Variants in NCKAP5 observed in about 807,000 individuals in gnomAD.
The protein encoded by NCKAP5 is nck-associated protein 5.
In NCKAP5, 92 loss-of-function variants were observed where a neutral mutation model predicts 167.0. The observed-to-expected ratio is 0.55, with a 90% CI of 0.47 to 0.66. NCKAP5 has a LOEUF of 0.66. Among genes scored for constraint, NCKAP5 ranks in the 30% least tolerant of loss-of-function variants. NCKAP5 has a pLI of 0.00. For synonymous variants in NCKAP5, 891 were observed against 877.4 expected (o/e 1.02, Z -0.27); for missense variants, 2,378 against 2,315.0 (o/e 1.03, Z -0.56).
chr2:133,113,478 T>C (rs777821814), intron 6 of NCKAP5, among the ~76,000 whole-genome samples: 15 of 152,212 alleles, frequency 9.9e-5, no homozygotes, highest in Non-Finnish European at 1.5e-4. Context: ...GTCTCTCTTA[T>C]ACCCAGGCAC....
intron 8 of NCKAP5, among the ~76,000 whole-genome samples, chr2:132,944,790 T>C (rs758820809): frequency 6.6e-6 from 1 of 152,098 alleles, no homozygotes; most frequent in Non-Finnish European, 1.5e-5. Context: ...TAAGAGAAAA[T>C]GACTCTAAGG....
At chr2:132,983,867 A>C (rs1002142480) in intron 7 of NCKAP5, among the ~76,000 whole-genome samples, 7 of 152,216 alleles carry the variant, frequency 4.6e-5, no homozygotes, top group African/African-American at 1.7e-4. Flanking sequence ...CTCCCAGGCC[A>C]CAGCAAATAA....
intron 4 of NCKAP5, among the ~76,000 whole-genome samples, chr2:133,229,842 C>A (rs2087062264): frequency 6.6e-6 from 1 of 152,112 alleles, no homozygotes; most frequent in African/African-American, 2.4e-5. Context: ...GGGAACCTCT[C>A]AAAATCCATT....
intron 3 of NCKAP5, among the ~76,000 whole-genome samples, chr2:133,437,808 G>C (rs969091394): frequency 1.3e-5 from 2 of 152,180 alleles, no homozygotes; most frequent in African/African-American, 4.8e-5. Flanking sequence ...GATGTTAAAA[G>C]TGCCTACCAC....
chr2:133,324,367 G>T (rs1682280521), intron 3 of NCKAP5, among the ~76,000 whole-genome samples: 1 of 152,212 alleles, frequency 6.6e-6, no homozygotes, highest in African/African-American at 2.4e-5. Flanking sequence ...TATTTACTTG[G>T]AATTACATAA....
rs74867309 is a variant in NCKAP5, at chr2:132,836,551, T to C, written c.807+23941A>G. ...CCATATTCTCAGATATAAAGTTTAT[T>C]ATTTTATTTTCCATAAGTTATTGGG... On this transcript the variant is annotated intron_variant, in intron 11 of 19. Coordinates refer to ENST00000409261, the MANE Select transcript of NCKAP5 (RefSeq NM_207363.3). Among the ~76,000 whole-genome samples, 16 of 152,262 alleles carry C rather than the reference T, an allele frequency of 1.1e-4. 1 individual carries two copies. The South Asian group carries it at 2.5e-3, about 24-fold the overall frequency.
chr2:132,760,520 A>G (rs1165746657), intron 16 of NCKAP5, among the ~76,000 whole-genome samples: 3 of 152,086 alleles, frequency 2.0e-5, no homozygotes, highest in African/African-American at 2.4e-5. Context: ...ATTATATTCT[A>G]TATTGGATAA....
At chr2:133,086,998 G>C (rs1012419522) in intron 6 of NCKAP5, among the ~76,000 whole-genome samples, 1 of 152,160 alleles carries the variant, frequency 6.6e-6, no homozygotes, top group African/African-American at 2.4e-5. Context: ...TTTTAGATGA[G>C]GGAGTGTGAG....
chr2:133,670,656 A>C, the NCKAP5 span, among the ~76,000 whole-genome samples: 1 of 152,240 alleles, frequency 6.6e-6, no homozygotes, highest in Non-Finnish European at 1.5e-5. Context: ...TAGATGATGC[A>C]GGCAGATTAT....
At chr2:133,549,302 G>A (rs1227149933) in intron 2 of NCKAP5, among the ~76,000 whole-genome samples, 1 of 151,628 alleles carries the variant, frequency 6.6e-6, no homozygotes. Context: ...TTTTTTTTCA[G>A]CACCACACCA....
At chr2:132,721,153 C>T (rs1251939704) in intron 19 of NCKAP5, among the ~76,000 whole-genome samples, 1 of 151,964 alleles carries the variant, frequency 6.6e-6, no homozygotes, top group Non-Finnish European at 1.5e-5. Context: ...ACTAAAAATA[C>T]AAAAATTAGC....
At chr2:133,619,495 A>G in the NCKAP5 span, among the ~76,000 whole-genome samples, 1 of 151,256 alleles carries the variant, frequency 6.6e-6, no homozygotes, top group African/African-American at 2.5e-5. Context: ...AGAACTTCAG[A>G]GCTTGAAGAC....
At chr2:132,748,187 C>T (rs1328735574) in intron 16 of NCKAP5, among the ~76,000 whole-genome samples, 7 of 152,206 alleles carry the variant, frequency 4.6e-5, no homozygotes, top group Admixed American at 2.0e-4. Flanking sequence ...GTCAGCCACA[C>T]ACTCCCATGT....
intron 3 of NCKAP5, among the ~76,000 whole-genome samples, chr2:133,444,399 GAT>G (rs200603192): frequency 8.7e-6 from 1 of 115,110 alleles, no homozygotes; most frequent in African/African-American, 3.7e-5. Flanking sequence ...TAGATAGATA[GAT>G]AGATAGATAT....
At chr2:133,538,091 C>A (rs1199456795) in intron 2 of NCKAP5, among the ~76,000 whole-genome samples, 1 of 152,068 alleles carries the variant, frequency 6.6e-6, no homozygotes, top group Non-Finnish European at 1.5e-5. Flanking sequence ...CCATTGACTG[C>A]CAAAACGAAC....
At chr2:133,255,307 T>C (rs2088560954) in intron 4 of NCKAP5, among the ~76,000 whole-genome samples, 1 of 152,190 alleles carries the variant, frequency 6.6e-6, no homozygotes, top group African/African-American at 2.4e-5. Flanking sequence ...TTCCAGAGCT[T>C]TGGGACACAT....
chr2:132,919,510 T>C (rs777642819), intron 8 of NCKAP5, among the ~76,000 whole-genome samples: 2 of 151,974 alleles, frequency 1.3e-5, no homozygotes, highest in African/African-American at 2.4e-5. Flanking sequence ...GCAAACTAGC[T>C]AAAAGAAATT....
At chr2:133,101,115 A>G (rs553201206) in intron 6 of NCKAP5, among the ~76,000 whole-genome samples, 1 of 150,508 alleles carries the variant, frequency 6.6e-6, no homozygotes, top group Non-Finnish European at 1.5e-5. Flanking sequence ...TCAGCTTTCT[A>G]CATATGGCTA....
chr2:133,268,804 G>C (rs955637130), intron 4 of NCKAP5: 1 of 152,156 alleles, frequency 6.6e-6, no homozygotes, highest in Admixed American at 6.5e-5. Context: ...TTTAAGTTTA[G>C]AGTTTTTCAT....
Sources: gnomAD v4.1 joint callset for allele counts (sites outside exome capture counted in the v4.1 genomes callset) on GRCh38, gnomAD v4.1.1 for gene constraint, MANE v1.5 for transcripts, NCBI Gene and HGNC (gene_info 2026-07-23, HGNC 2026-07-21) for gene names.